Variants in FNDC5 observed in about 807,000 individuals in gnomAD.
The protein encoded by FNDC5 is fibronectin type III domain containing 5.
In FNDC5, 10 loss-of-function variants were observed where a neutral mutation model predicts 24.6. The observed-to-expected ratio is 0.41, with a 90% CI of 0.25 to 0.69. The LOEUF (loss-of-function observed/expected upper bound fraction) is 0.69, where lower values mean the gene tolerates loss of function less well. FNDC5 is among the 30% of genes least tolerant of loss of function. The probability of loss-of-function intolerance (pLI) is 0.34; values close to 1 mark genes in which losing one functional copy is unlikely to be tolerated. For missense variants in FNDC5, 226 were observed against 282.9 expected, an observed-to-expected ratio of 0.80 and a Z score of 1.44; for synonymous variants, 90 against 110.7, an observed-to-expected ratio of 0.81 and a Z score of 1.18.
intron 1 of FNDC5, among the ~76,000 whole-genome samples, chr1:32,869,583 T>C (rs1641139190): frequency 1.3e-5 from 2 of 152,140 alleles, no homozygotes; most frequent in Admixed American, 1.3e-4. Context: ...CTCTTATCCA[T>C]GCTCTTCCAG....
At chr1:32,869,140 A>C (rs1033411366) in intron 1 of FNDC5, 143 bp from the exon 2 acceptor site, 3 of 404,784 alleles carry the variant, frequency 7.4e-6, no homozygotes, top group Non-Finnish European at 8.5e-6. Context: ...GGGTCCAGTG[A>C]CATGGCTCTC....
chr1:32,863,239 G>A lies in FNDC5; in HGVS notation c.*1055C>T, dbSNP rs1404216974. On this transcript the variant is annotated 3_prime_UTR_variant, in exon 6 of 6. Coordinates refer to ENST00000373471, the MANE Select transcript of FNDC5 (RefSeq NM_153756.3). ...CTTCTGATTTTTGTTTTCCAAAAGA[G>A]ACAAACCAGGTAACATCTTACACGC... The A allele has an allele frequency of 6.4e-6, 1 of 155,986 alleles. No individual in the cohort carries two copies. Among genetic ancestry groups the A allele is most frequent in the Non-Finnish European group, 1.4e-5 (1 of 70,046 alleles). The allele number at this position is 155,986 out of a possible 1,614,324, so 9.7% of individuals were successfully genotyped here.
chr1:32,868,923 G>C lies in FNDC5; in HGVS notation c.169C>G (p.Leu57Val). Residue 57 changes from leucine to valine, a missense_variant, in exon 2 of 6, where the codon CTG becomes GTG. Coordinates refer to ENST00000373471, the MANE Select transcript of FNDC5 (RefSeq NM_153756.3). The surrounding 1 kb of genome is among the most constrained non-coding windows in gnomAD (Gnocchi z 4.8). ...AATCCGATGACAACCTCATCCTCCA[G>C]AACATCCCAGCTCACCACTGCAGAG... 8.1e-7 allele frequency: 1 copy of C among 1,238,718 alleles called. No homozygotes were observed. The highest frequency in any genetic ancestry group is 1.0e-6 in the Non-Finnish European group (1 of 991,458). The allele number at this position is 1,238,718 out of a possible 1,614,324, so 76.7% of individuals were successfully genotyped here.
At chr1:32,869,575 CTT>C (rs1641139004) in intron 1 of FNDC5, among the ~76,000 whole-genome samples, 1 of 152,162 alleles carries the variant, frequency 6.6e-6, no homozygotes, top group African/African-American at 2.4e-5. Flanking sequence ...GTGTGAGCCT[CTT>C]ATCCATGCTC....
rs1249031827 is a variant in FNDC5, at chr1:32,870,770, C to G, written c.-24G>C. On this transcript the variant is annotated 5_prime_UTR_variant, in exon 1 of 6. Coordinates refer to ENST00000373471, the MANE Select transcript of FNDC5 (RefSeq NM_153756.3). Reference sequence around the variant, plus strand: ...ATGGTGGCTCCTCCGGCCGGCAGGCCCGGGGCGGCGCAGGGGGACGCGGCT... The same window carrying G: ...ATGGTGGCTCCTCCGGCCGGCAGGCGCGGGGCGGCGCAGGGGGACGCGGCT... The G allele has an allele frequency of 7.4e-5, 77 of 1,033,586 alleles. No individual in the cohort carries two copies. The highest frequency in any genetic ancestry group is 8.9e-5 in the Non-Finnish European group (76 of 858,498). The allele number at this position is 1,033,586 out of a possible 1,614,324, so 64.0% of individuals were successfully genotyped here. A position where few individuals can be genotyped will look rare whatever the true frequency, so the allele number is the denominator to read the frequency against.
intron 4 of FNDC5, among the ~76,000 whole-genome samples, chr1:32,866,669 T>TCA (rs1322410939): frequency 6.7e-6 from 1 of 150,140 alleles, no homozygotes; most frequent in East Asian, 2.0e-4. Flanking sequence ...ATAGCACTCA[T>TCA]CACACTGGAT....
At chr1:32,872,103 C>G (rs907069624), upstream of FNDC5, among the ~76,000 whole-genome samples, 2 of 152,176 alleles carry the variant, frequency 1.3e-5, no homozygotes, top group Non-Finnish European at 2.9e-5. Flanking sequence ...CCTCTCCATC[C>G]CCCTGGTTTT....
In FNDC5 at chr1:32,868,467, C is replaced by G. The variant is rs1641118837; in HGVS notation, c.211-79G>C. 7.1e-7 allele frequency: 1 copy of G among 1,405,588 alleles called. No individual in the cohort carries two copies. Among genetic ancestry groups the G allele is most frequent in the African/African-American group, 1.4e-5 (1 of 70,468 alleles). 87.1% of individuals were successfully genotyped at this position (1,405,588 alleles called of 1,614,324 possible). A position where few individuals can be genotyped will look rare whatever the true frequency, so the allele number is the denominator to read the frequency against. ...TGCCCACCTCCCAGTGGTGACAAAG[C>G]CTTTACATACACAATCTTCATCATT... On this transcript the variant is annotated intron_variant, in intron 2 of 5. Coordinates refer to ENST00000373471, the MANE Select transcript of FNDC5 (RefSeq NM_153756.3). This position sits in a 1 kb window ranked among gnomAD's most constrained non-coding sequence, Gnocchi z 4.8.
At chr1:32,867,904 C>T in intron 3 of FNDC5, 62 bp from the exon 4 acceptor site, 1 of 1,506,230 alleles carries the variant, frequency 6.6e-7, no homozygotes, top group Admixed American at 1.7e-5. Context: ...CCTCTAGGGC[C>T]AAGCCCAAGA....
At chr1:32,870,109 G>A (rs1641149691) in intron 1 of FNDC5, among the ~76,000 whole-genome samples, 1 of 152,124 alleles carries the variant, frequency 6.6e-6, no homozygotes, top group Non-Finnish European at 1.5e-5. Flanking sequence ...CAGAGTGGCA[G>A]GAGAGGCTGG....
chr1:32,864,533 C>G, intron 5 of FNDC5, 131 bp downstream of exon 5: 1 of 1,544,196 alleles, frequency 6.5e-7, no homozygotes, highest in Non-Finnish European at 8.7e-7. Flanking sequence ...CTGTGTCACA[C>G]AGGCAGCAGC....
rs55783359 is a variant in FNDC5, at chr1:32,868,975, G to A, written c.117C>T (p.Asn39=). ...TGGCCTTGAGGTGCCTGACGGTGAC[G>A]TTCACTGGGGCTGAGGGACTGTCTG... Residue 39 remains asparagine, a synonymous_variant, in exon 2 of 6, where the codon AAC becomes AAT. Transcript: ENST00000373471. This position sits in a 1 kb window ranked among gnomAD's most constrained non-coding sequence, Gnocchi z 4.8. 2.4e-6 allele frequency: 3 copies of A among 1,234,068 alleles called. No homozygotes were observed. Among genetic ancestry groups the A allele is most frequent in the Non-Finnish European group, 3.0e-6 (3 of 989,126 alleles). 76.4% of individuals were successfully genotyped at this position (1,234,068 alleles called of 1,614,324 possible).
At chr1:32,866,306 G>A (rs1641069659) in intron 4 of FNDC5, among the ~76,000 whole-genome samples, 1 of 152,072 alleles carries the variant, frequency 6.6e-6, no homozygotes, top group African/African-American at 2.4e-5. Flanking sequence ...GTGTGCCTAA[G>A]GAGCATTTTT....
chr1:32,870,039 C>T (rs922085606), intron 1 of FNDC5, among the ~76,000 whole-genome samples: 3 of 152,166 alleles, frequency 2.0e-5, no homozygotes, highest in African/African-American at 7.2e-5. Context: ...TGCGAGAGAG[C>T]GCTCCCCGAG....
Position 32,863,634 on chromosome 1 carries a change from G to T in FNDC5, c.*660C>A, listed in dbSNP as rs1164501487. ...AGGAGAAGAGAGAACTGTGCAGCTA[G>T]CTGTGCCTCCTCCCCACTGCTGCAG... On this transcript the variant is annotated 3_prime_UTR_variant, in exon 6 of 6. Transcript: ENST00000373471. The T allele has an allele frequency of 2.7e-6, 3 of 1,122,044 alleles. No homozygotes were observed. Among genetic ancestry groups the T allele is most frequent in the Non-Finnish European group, 2.4e-6 (2 of 823,832 alleles). The allele number at this position is 1,122,044 out of a possible 1,614,324, so 69.5% of individuals were successfully genotyped here.
Position 32,864,178 on chromosome 1 carries a change from A to G in FNDC5, c.*116T>C. On this transcript the variant is annotated 3_prime_UTR_variant, in exon 6 of 6. Coordinates refer to ENST00000373471, the MANE Select transcript of FNDC5 (RefSeq NM_153756.3). The stretch of plus-strand genomic sequence containing the variant: ...CAGAGGGTACAAGGAGATGGAGGGA[A>G]GAGATGTAGAGAGGGCCAGATGTTT... The G allele has an allele frequency of 1.1e-5, 18 of 1,604,014 alleles. No homozygotes were observed. The South Asian group carries it at 1.9e-4, about 17-fold the overall frequency.
chr1:32,865,028 C>G (rs1010121239), intron 4 of FNDC5, among the ~76,000 whole-genome samples: 1 of 152,168 alleles, frequency 6.6e-6, no homozygotes, highest in African/African-American at 2.4e-5. Context: ...ACCTCCTCCT[C>G]TCCTTTCCTT....
Position 32,863,607 on chromosome 1 carries a change from C to G in FNDC5, c.*687G>C. ...TGCAGCCTCCTTCATCTGACTAGGA[C>G]AAGGAGAAGAGAGAACTGTGCAGCT... On this transcript the variant is annotated 3_prime_UTR_variant, in exon 6 of 6. Coordinates refer to ENST00000373471, the MANE Select transcript of FNDC5 (RefSeq NM_153756.3). The G allele has an allele frequency of 1.1e-6, 1 of 930,552 alleles. No homozygotes were observed. Among genetic ancestry groups the G allele is most frequent in the Non-Finnish European group, 1.5e-6 (1 of 657,064 alleles). The allele number at this position is 930,552 out of a possible 1,614,324, so 57.6% of individuals were successfully genotyped here.
intron 1 of FNDC5, 57 bp downstream of exon 1, chr1:32,870,596 A>G (rs1337229729): frequency 9.3e-7 from 1 of 1,071,956 alleles, no homozygotes; most frequent in South Asian, 4.6e-5. Context: ...ACTCCCAGGT[A>G]GCTGGGCTCG....
Sources: gnomAD v4.1 joint callset for allele counts (sites outside exome capture counted in the v4.1 genomes callset) on GRCh38, gnomAD v4.1.1 for gene constraint, Gnocchi (gnomAD v3.1) non-coding constraint, MANE v1.5 for transcripts, NCBI Gene and HGNC (gene_info 2026-07-23, HGNC 2026-07-21) for gene names.